Variants in NOP2 observed in about 807,000 individuals in gnomAD.
NOP2 encodes NOP2 nucleolar protein, also known as 28S rRNA (cytosine(4447)-C(5))-methyltransferase.
Under a neutral mutation model 72.7 loss-of-function variants are expected in NOP2, and 7 were observed. The observed-to-expected ratio is 0.10, with a 90% CI of 0.05 to 0.18. The LOEUF is 0.18. Among genes scored for constraint, NOP2 ranks in the 10% least tolerant of loss-of-function variants. The pLI, the probability that NOP2 is intolerant of heterozygous loss-of-function variation, is 1.00. For missense variants in NOP2, 954 were observed against 1,014.7 expected, an observed-to-expected ratio of 0.94 and a Z score of 0.81; for synonymous variants, 387 against 388.0, an observed-to-expected ratio of 1.00 and a Z score of 0.03.
At chr12:6,565,882 G>A (rs1027725584) in intron 5 of NOP2, among the ~76,000 whole-genome samples, 1 of 152,134 alleles carries the variant, frequency 6.6e-6, no homozygotes, top group Non-Finnish European at 1.5e-5. Flanking sequence ...CCTACACCAA[G>A]ACAGCCTTCT....
At position 6,563,477 on chromosome 12, in the gene NOP2, C is replaced by T. The variant is rs754180313; in HGVS notation, c.726G>A (p.Arg242=). The T allele has an allele frequency of 2.5e-6, 4 of 1,612,260 alleles. No individual in the cohort carries two copies. Among genetic ancestry groups the T allele is most frequent in the Non-Finnish European group, 3.4e-6 (4 of 1,179,274 alleles). The part of the protein sequence containing the change: ...QAPDLQRVHK[R]IQDIVGILRD... The stretch of plus-strand genomic sequence containing the variant: ...GCAGAATTCCCACAATATCCTGGAT[C>T]CGCTTGTGAACTCGTTGCAGGTCTG... Residue 242 remains arginine, a synonymous_variant, in exon 8 of 16, where the codon CGG becomes CGA. Transcript: ENST00000322166.
intron 5 of NOP2, 72 bp from the exon 6 acceptor site, chr12:6,564,018 T>C: frequency 6.4e-7 from 1 of 1,557,682 alleles, no homozygotes; most frequent in Non-Finnish European, 8.7e-7. Context: ...TATCTCTATA[T>C]CTTATTTTTT....
At chr12:6,563,027 T>C in intron 9 of NOP2, 54 bp downstream of exon 9, 4 of 1,499,222 alleles carry the variant, frequency 2.7e-6, no homozygotes, top group Non-Finnish European at 3.6e-6. Flanking sequence ...TCTCTGGAGT[T>C]GGCAGAAGTC....
chr12:6,560,483 T>C lies in NOP2; in HGVS notation c.1524A>G (p.Thr508=). 2 of 1,603,950 alleles carry C rather than the reference T, an allele frequency of 1.2e-6. No individual in the cohort carries two copies. The highest frequency in any genetic ancestry group is 2.2e-5 in the South Asian group (2 of 90,548). The change falls in exon 14 of 16, where the codon ACA becomes ACG. Residue 508 remains threonine (T), a synonymous_variant. Coordinates refer to ENST00000322166, the MANE Select transcript of NOP2 (RefSeq NM_001258308.2). This position sits in a 1 kb window ranked among gnomAD's most constrained non-coding sequence, Gnocchi z 5.0. ...AGGTGCAGTAAACCAGGTAGCCTCC[T>C]GTCTTGGAGGTCGCATTGACAGAGT... ...AIDSVNATSK[T]GGYLVYCTCS...
Position 6,567,983 on chromosome 12 carries a change from CACGCTTGGCGT to C in NOP2, c.-4-72_-4-62del, listed in dbSNP as rs968019136. 3.8e-6 allele frequency: 5 copies of C among 1,332,188 alleles called. No homozygotes were observed. In the Admixed American group the frequency reaches 6.9e-5, roughly 18 times the overall value. 82.5% of individuals were successfully genotyped at this position (1,332,188 alleles called of 1,614,324 possible). ...GCGTGTCGGAGGGAACGGCAGAACG[CACGCTTGGCGT>C]ATTATAGTGGGAAAGGGCACAGCCT... On this transcript the variant is annotated intron_variant, in intron 1 of 15. Coordinates refer to ENST00000322166, the MANE Select transcript of NOP2 (RefSeq NM_001258308.2).
At position 6,563,085 on chromosome 12, in the gene NOP2, G is replaced by A; in HGVS notation, c.974C>T (p.Ala325Val). Residue 325 changes from alanine (A) to valine (V), a missense_variant, in exon 9 of 16, where the codon GCA becomes GTA. Physicochemically the swap from Ala to Val is moderately conservative, Grantham distance 64. Around this residue, in one of 3 missense-constraint regions of NOP2, gnomAD observed 498 missense variants for 478.3 expected, o/e 1.04. Coordinates refer to ENST00000322166, the MANE Select transcript of NOP2 (RefSeq NM_001258308.2). ...GCCTCAAAGGCCACCCCTCACCTGTGCAAGGTCTCGGCGTCGGGTTTTCAA... is the reference window on the plus strand; with the variant it reads ...GCCTCAAAGGCCACCCCTCACCTGTACAAGGTCTCGGCGTCGGGTTTTCAA... Reference protein sequence around the residue: ...NTLKTRRRDLAQALINRGVNL... With the variant: ...NTLKTRRRDLVQALINRGVNL... 6.3e-7 allele frequency: 1 copy of A among 1,582,922 alleles called. No individual in the cohort carries two copies. Among genetic ancestry groups the A allele is most frequent in the African/African-American group, 1.3e-5 (1 of 74,292 alleles).
chr12:6,560,605 GGA>G lies in NOP2; in HGVS notation c.1438-38_1438-37del, dbSNP rs2080903507. 1.2e-6 allele frequency: 2 copies of G among 1,603,576 alleles called. No homozygotes were observed. Among genetic ancestry groups the G allele is most frequent in the South Asian group, 1.1e-5 (1 of 90,582 alleles). The stretch of plus-strand genomic sequence containing the variant: ...AAGAGACCCAAAGGCAGCCTCAGGA[GGA>G]GAGGGGAGCCCAGAGGGTGTCCCCA... On this transcript the variant is annotated intron_variant, in intron 13 of 15. Coordinates refer to ENST00000322166, the MANE Select transcript of NOP2 (RefSeq NM_001258308.2). This position sits in a 1 kb window ranked among gnomAD's most constrained non-coding sequence, Gnocchi z 5.0.
rs776670883 is a variant in NOP2 at position 6,557,219 on chromosome 12, G to C, written c.2213C>G (p.Ala738Gly). ...ATGATGGTCCTTAGGTTTCAGGGTG[G>C]CCTGAGTCTTGGATGGGGATAACAC... ...PAVLSPSKTQATLKPKDHHQP... is the reference protein window; with the variant it reads ...PAVLSPSKTQGTLKPKDHHQP... The change falls in exon 16 of 16, where the codon GCC becomes GGC. Residue 738 changes from alanine (A) to glycine (G), a missense_variant. Physicochemically the swap from Ala to Gly is moderately conservative, Grantham distance 60. Coordinates refer to ENST00000322166, the MANE Select transcript of NOP2 (RefSeq NM_001258308.2). 4.3e-6 allele frequency: 7 copies of C among 1,613,856 alleles called. No homozygotes were observed. In the South Asian group the frequency reaches 6.6e-5, roughly 15 times the overall value.
rs374733677 is a variant in NOP2 at position 6,557,228 on chromosome 12, T to A, written c.2204A>T (p.Lys735Met). 6 of 1,613,870 alleles carry A rather than the reference T, an allele frequency of 3.7e-6. No homozygotes were observed. The highest frequency in any genetic ancestry group is 3.4e-6 in the Non-Finnish European group (4 of 1,179,884). The change falls in exon 16 of 16, where the codon AAG becomes ATG. Residue 735 changes from lysine (K) to methionine (M), a missense_variant. Lys to Met is a moderately conservative substitution (Grantham distance 95). Transcript: ENST00000322166. ...CTTAGGTTTCAGGGTGGCCTGAGTC[T>A]TGGATGGGGATAACACAGCCGGTGT... ...TQTPAVLSPS[K>M]TQATLKPKDH...
At chr12:6,558,071 G>A in intron 15 of NOP2, 2 of 366,256 alleles carry the variant, frequency 5.5e-6, no homozygotes, top group South Asian at 3.9e-5. Context: ...AACCTGGAAG[G>A]TGGAGGTTGC....
chr12:6,567,493 T>A, intron 2 of NOP2: 1 of 256,730 alleles, frequency 3.9e-6, no homozygotes, highest in Non-Finnish European at 7.5e-6. Flanking sequence ...TACTTCCTCT[T>A]GCTACAATGT....
At chr12:6,568,041 C>T in intron 1 of NOP2, 119 bp from the exon 2 acceptor site, 1 of 699,152 alleles carries the variant, frequency 1.4e-6, no homozygotes, top group South Asian at 1.8e-5. Context: ...CCGCAACTCA[C>T]TCAGCACTCC....
At chr12:6,562,360 T>G (rs1196728423) in intron 9 of NOP2, among the ~76,000 whole-genome samples, 1 of 152,176 alleles carries the variant, frequency 6.6e-6, no homozygotes, top group East Asian at 1.9e-4. Flanking sequence ...AAACACATGC[T>G]TCATAAAAAC....
Position 6,556,921 on chromosome 12 carries a change from G to C in NOP2, c.*72C>G. 3 of 1,543,598 alleles carry C rather than the reference G, an allele frequency of 1.9e-6. No individual in the cohort carries two copies. Among genetic ancestry groups the C allele is most frequent in the African/African-American group, 1.4e-5 (1 of 72,572 alleles). The stretch of plus-strand genomic sequence containing the variant: ...TTTCATGGGTATGCACAGTAGAGAA[G>C]GCATCCTCACAGAGGCAAGAGTTCC... On this transcript the variant is annotated 3_prime_UTR_variant, in exon 16 of 16. Transcript: ENST00000322166.
Position 6,563,425 on chromosome 12 carries a change from C to T in NOP2, c.778G>A (p.Gly260Arg). Reference sequence around the variant, plus strand: ...TTCAGGTATTCAGAACGAGACCGCCCTTCCTCCCGCTGAGCCCCAAAATCA... The same window carrying T: ...TTCAGGTATTCAGAACGAGACCGCCTTTCCTCCCGCTGAGCCCCAAAATCA... ...LRDFGAQREEGRSRSEYLNRL... is the reference protein window; with the variant it reads ...LRDFGAQREERRSRSEYLNRL... The change falls in exon 8 of 16, where the codon GGG becomes AGG. Residue 260 changes from glycine (G) to arginine (R), a missense_variant. Physicochemically the swap from Gly to Arg is moderately radical, Grantham distance 125. Coordinates refer to ENST00000322166, the MANE Select transcript of NOP2 (RefSeq NM_001258308.2). 1 of 1,609,176 alleles carries T rather than the reference C, an allele frequency of 6.2e-7. No individual in the cohort carries two copies. The highest frequency in any genetic ancestry group is 8.5e-7 in the Non-Finnish European group (1 of 1,177,716).
chr12:6,560,707 C>T lies in NOP2; in HGVS notation c.1428G>A (p.Lys476=). Residue 476 remains lysine, a synonymous_variant, in exon 13 of 16, where the codon AAG becomes AAA. Coordinates refer to ENST00000322166, the MANE Select transcript of NOP2 (RefSeq NM_001258308.2). This position sits in a 1 kb window ranked among gnomAD's most constrained non-coding sequence, Gnocchi z 5.0. ...CCACCTGACTCCTCACCTTGTTAGTCTTCACGGCTGGATCCTTGGAGATGA... is the reference window on the plus strand; with the variant it reads ...CCACCTGACTCCTCACCTTGTTAGTTTTCACGGCTGGATCCTTGGAGATGA... The part of the protein sequence containing the change: ...TGVISKDPAV[K]TNKDEKDILR... The T allele has an allele frequency of 6.2e-7, 1 of 1,613,546 alleles. No individual in the cohort carries two copies. Among genetic ancestry groups the T allele is most frequent in the Non-Finnish European group, 8.5e-7 (1 of 1,179,682 alleles).
At position 6,560,461 on chromosome 12, in the gene NOP2, T is replaced by C; in HGVS notation, c.1546A>G (p.Thr516Ala). Residue 516 changes from threonine to alanine, a missense_variant, in exon 14 of 16, where the codon ACC becomes GCC. Around this residue, in one of 3 missense-constraint regions of NOP2, gnomAD observed 187 missense variants for 276.2 expected, o/e 0.68. Coordinates refer to ENST00000322166, the MANE Select transcript of NOP2 (RefSeq NM_001258308.2). This position sits in a 1 kb window ranked among gnomAD's most constrained non-coding sequence, Gnocchi z 5.0. ...SKTGGYLVYC[T>A]CSITVEENEW... ...AGAGGTCTCACTGTGATAGAACAGG[T>C]GCAGTAAACCAGGTAGCCTCCTGTC... 6.3e-7 allele frequency: 1 copy of C among 1,598,846 alleles called. No individual in the cohort carries two copies. Among genetic ancestry groups the C allele is most frequent in the South Asian group, 1.1e-5 (1 of 90,060 alleles).
rs1947712225 is a variant in NOP2, at chr12:6,563,888, C to T, written c.530+3G>A. The T allele has an allele frequency of 6.2e-7, 1 of 1,613,882 alleles. No homozygotes were observed. The highest frequency in any genetic ancestry group is 8.5e-7 in the Non-Finnish European group (1 of 1,179,844). ...CTCCATCCCAATAGCTTCCAAAACT[C>T]ACCCAGCAGCAGCTTCCCGGGCCTT... On this transcript the variant is annotated splice_donor_region_variant and intron_variant, in intron 6 of 15. Coordinates refer to ENST00000322166, the MANE Select transcript of NOP2 (RefSeq NM_001258308.2).
Position 6,563,397 on chromosome 12 carries a change from C to T in NOP2, c.806G>A (p.Arg269Gln), listed in dbSNP as rs778175323. 8.1e-6 allele frequency: 13 copies of T among 1,606,168 alleles called. No homozygotes were observed. In the East Asian group the frequency reaches 1.6e-4, roughly 19 times the overall value. Residue 269 changes from arginine to glutamine, a missense_variant, in exon 8 of 16, where the codon CGG (arginine) becomes CAG (glutamine). This residue lies in a region of NOP2 where 498 missense variants were observed against 478.3 expected (regional missense o/e 1.04). Coordinates refer to ENST00000322166, the MANE Select transcript of NOP2 (RefSeq NM_001258308.2). Reference sequence around the variant, plus strand: ...GTAAATGGCCAGATCCTTCTTGAGCCGGTTCAGGTATTCAGAACGAGACCG... The same window carrying T: ...GTAAATGGCCAGATCCTTCTTGAGCTGGTTCAGGTATTCAGAACGAGACCG... ...EGRSRSEYLN[R>Q]LKKDLAIYYS...
Sources: gnomAD v4.1 joint callset for allele counts (sites outside exome capture counted in the v4.1 genomes callset) on GRCh38, gnomAD v4.1.1 for gene constraint, gnomAD v4.1.1 regional missense constraint, Gnocchi (gnomAD v3.1) non-coding constraint, MANE v1.5 for transcripts, NCBI Gene and HGNC (gene_info 2026-07-23, HGNC 2026-07-21) for gene names.